The following GPM6A variants were observed in gnomAD, a reference collection of about 807,000 sequenced individuals.
The protein encoded by GPM6A is glycoprotein M6A.
A neutral mutation model predicts 32.1 loss-of-function variants in GPM6A; 7 were observed. The observed-to-expected ratio is 0.22, with a 90% confidence interval of 0.12 to 0.41. The LOEUF (loss-of-function observed/expected upper bound fraction) is 0.41, where lower values mean the gene tolerates loss of function less well. Ranked by LOEUF, GPM6A falls within the 10% of genes least tolerant of loss-of-function variation. GPM6A has a pLI of 1.00. For missense variants in GPM6A, 235 were observed against 347.2 expected (o/e 0.68, Z 2.57); for synonymous variants, 130 against 123.4 (o/e 1.05, Z -0.35).
At chr4:175,760,118 G>A (rs1283230022) in intron 1 of GPM6A, among the ~76,000 whole-genome samples, 5 of 152,146 alleles carry the variant, frequency 3.3e-5, no homozygotes, top group Admixed American at 3.3e-4. Context: ...GGAGGTTGCA[G>A]TGAGCGGAGA....
intron 1 of GPM6A, among the ~76,000 whole-genome samples, chr4:175,745,732 C>T (rs1482400955): frequency 2.0e-5 from 3 of 152,158 alleles, no homozygotes; most frequent in Non-Finnish European, 4.4e-5. Flanking sequence ...AAATATTCAA[C>T]ATGCTGTGGG....
intron 1 of GPM6A, among the ~76,000 whole-genome samples, chr4:175,725,611 G>A (rs74727516): frequency 0.056 from 8,454 of 152,120 alleles, 432 homozygotes; most frequent in East Asian, 0.29. Flanking sequence ...TATGCCAAAT[G>A]AGGAGTGTTA....
chr4:175,930,443 T>TG (rs1738996848), intron 1 of GPM6A, among the ~76,000 whole-genome samples: 1 of 38,330 alleles, frequency 2.6e-5, no homozygotes, highest in African/African-American at 4.1e-5. Flanking sequence ...GGTTTTTTTG[T>TG]TGTTGTTTTT....
At position 175,649,080 on chromosome 4, in the gene GPM6A, G is replaced by A. The variant is rs139110509; in HGVS notation, c.541+2754C>T. Among the ~76,000 whole-genome samples, 7 of 152,268 alleles carry A rather than the reference G, an allele frequency of 4.6e-5. No individual in the cohort carries two copies. In the East Asian group the frequency reaches 1.4e-3, roughly 29 times the overall value. ...AAAAGCTGTCGAGTAGAAAATAATT[G>A]TGCTAAGATTCAGGACACTCCCCTT... On this transcript the variant is annotated intron_variant, in intron 4 of 6. Transcript: ENST00000393658.
chr4:175,675,198 G>C (rs1411118406), intron 2 of GPM6A, among the ~76,000 whole-genome samples: 1 of 151,068 alleles, frequency 6.6e-6, no homozygotes, highest in Non-Finnish European at 1.5e-5. Context: ...CCTAGGTGTA[G>C]CTAGAGTTAA....
chr4:175,657,353 T>A (rs896198993), intron 3 of GPM6A, among the ~76,000 whole-genome samples: 32 of 152,168 alleles, frequency 2.1e-4, no homozygotes, highest in Admixed American at 5.9e-4. Flanking sequence ...ATCATCTGGT[T>A]AATGTGAGAG....
At chr4:175,671,055 G>A (rs1294240659) in intron 3 of GPM6A, among the ~76,000 whole-genome samples, 1 of 151,236 alleles carries the variant, frequency 6.6e-6, no homozygotes, top group Non-Finnish European at 1.5e-5. Context: ...GTAGAGACAG[G>A]GTTTCACTAT....
At chr4:175,825,892 A>AT (rs1276858559) in intron 1 of GPM6A, among the ~76,000 whole-genome samples, 23 of 152,176 alleles carry the variant, frequency 1.5e-4, no homozygotes, top group East Asian at 3.9e-4. Flanking sequence ...TAAAAAAAAA[A>AT]GTCTTGGCTG....
intron 1 of GPM6A, among the ~76,000 whole-genome samples, chr4:175,878,615 G>C (rs1737163764): frequency 6.6e-6 from 1 of 152,084 alleles, no homozygotes; most frequent in Non-Finnish European, 1.5e-5. Context: ...ACAAGGTCCT[G>C]GGCCTGGCTC....
intron 1 of GPM6A, among the ~76,000 whole-genome samples, chr4:175,952,800 C>T (rs544318507): frequency 1.3e-5 from 2 of 152,160 alleles, no homozygotes; most frequent in Non-Finnish European, 2.9e-5. Flanking sequence ...AATCTCAGCA[C>T]TTTGGGAGGC....
intron 4 of GPM6A, among the ~76,000 whole-genome samples, chr4:175,645,577 C>T (rs1408907939): frequency 1.3e-5 from 2 of 152,050 alleles, no homozygotes; most frequent in Non-Finnish European, 2.9e-5. Context: ...AAAAATTAGC[C>T]AGGCATGGTG....
At chr4:175,946,771 G>T (rs1334837841) in intron 1 of GPM6A, among the ~76,000 whole-genome samples, 1 of 152,154 alleles carries the variant, frequency 6.6e-6, no homozygotes, top group Non-Finnish European at 1.5e-5. Flanking sequence ...GCCTGGTAGA[G>T]CATTCTGGGG....
intron 1 of GPM6A, among the ~76,000 whole-genome samples, chr4:175,724,941 C>G (rs369005305): frequency 2.6e-5 from 4 of 152,164 alleles, no homozygotes; most frequent in Admixed American, 6.5e-5. Context: ...CCACTACACA[C>G]TGGCCCTTGG....
At chr4:175,887,640 TGCAA>T (rs1737504552) in intron 1 of GPM6A, among the ~76,000 whole-genome samples, 1 of 151,670 alleles carries the variant, frequency 6.6e-6, no homozygotes, top group African/African-American at 2.4e-5. Context: ...GACAAACCAC[TGCAA>T]GTGTTATCAA....
intron 1 of GPM6A, among the ~76,000 whole-genome samples, chr4:175,929,307 G>T (rs1328033278): frequency 6.6e-6 from 1 of 152,084 alleles, no homozygotes; most frequent in African/African-American, 2.4e-5. Context: ...AAAATATTTT[G>T]AAAACTAAGC....
At chr4:175,876,476 CTCTA>C (rs1336455718) in intron 1 of GPM6A, among the ~76,000 whole-genome samples, 5 of 152,196 alleles carry the variant, frequency 3.3e-5, no homozygotes, top group African/African-American at 1.2e-4. Flanking sequence ...AAATATGCCA[CTCTA>C]TCTATTTTCA....
intron 1 of GPM6A, among the ~76,000 whole-genome samples, chr4:175,909,222 G>A: frequency 6.6e-6 from 1 of 151,430 alleles, no homozygotes; most frequent in East Asian, 2.0e-4. Context: ...GAGAAAAGAG[G>A]CGCCTTGACT....
intron 3 of GPM6A, among the ~76,000 whole-genome samples, chr4:175,658,518 G>C (rs761924651): frequency 1.4e-4 from 22 of 152,034 alleles, no homozygotes; most frequent in Admixed American, 2.6e-4. Flanking sequence ...TTATACATTT[G>C]GCAAAACCCA....
chr4:175,634,776 G>A lies in GPM6A; in HGVS notation c.*129C>T. The A allele has an allele frequency of 1.5e-6, 1 of 655,448 alleles. No individual in the cohort carries two copies. Among genetic ancestry groups the A allele is most frequent in the Non-Finnish European group, 2.6e-6 (1 of 380,168 alleles). The allele number at this position is 655,448 out of a possible 1,614,324, so 40.6% of individuals were successfully genotyped here. On this transcript the variant is annotated 3_prime_UTR_variant, in exon 7 of 7. Coordinates refer to ENST00000393658, the MANE Select transcript of GPM6A (RefSeq NM_201591.3). ...AAACAACAAAGAATTGTACTCAGGT[G>A]ATTCATAAGTCACCTTACATATCAT...
Sources: gnomAD v4.1 joint callset for allele counts (sites outside exome capture counted in the v4.1 genomes callset) on GRCh38, gnomAD v4.1.1 for gene constraint, MANE v1.5 for transcripts, NCBI Gene and HGNC (gene_info 2026-07-23, HGNC 2026-07-21) for gene names.